Variants in PLCL1 observed in about 807,000 individuals in gnomAD.
PLCL1 encodes the protein phospholipase C like 1 (inactive), also known as inactive phospholipase C-like protein 1.
In PLCL1, 41 loss-of-function variants were observed where a neutral mutation model predicts 84.4. That is an observed-to-expected ratio of 0.49 (90% CI 0.38 to 0.63). PLCL1 has a LOEUF of 0.63. PLCL1 is among the 30% of genes least tolerant of loss of function. The pLI is 0.00. For synonymous variants in PLCL1, 490 were observed against 488.3 expected (o/e 1.00, Z -0.05); for missense variants, 1,206 against 1,367.8 (o/e 0.88, Z 1.87).
At chr2:198,082,705 T>C (rs1047546091) in intron 1 of PLCL1, among the ~76,000 whole-genome samples, 2 of 152,052 alleles carry the variant, frequency 1.3e-5, no homozygotes, top group Non-Finnish European at 2.9e-5. Context: ...GAATTGGGAA[T>C]GATAGACACA....
At chr2:197,900,295 T>G (rs894092403) in intron 1 of PLCL1, among the ~76,000 whole-genome samples, 1 of 152,214 alleles carries the variant, frequency 6.6e-6, no homozygotes, top group African/African-American at 2.4e-5. Context: ...TTTTAGAATC[T>G]ATTAAGTAGG....
intron 1 of PLCL1, among the ~76,000 whole-genome samples, chr2:197,918,968 C>CA (rs200632735): frequency 7.3e-4 from 106 of 144,656 alleles, no homozygotes; most frequent in Middle Eastern, 3.4e-3. Context: ...CTCTCTCTCT[C>CA]CCTCACACAC....
chr2:197,866,121 T>TATAGTTAATTTAAAAAAAAAGAA (rs1687531897), intron 1 of PLCL1, among the ~76,000 whole-genome samples: 1 of 37,226 alleles, frequency 2.7e-5, no homozygotes. Context: ...TATATATATA[T>TATAGTTAATTTAAAAAAAAAGAA]AAACTATATA....
intron 1 of PLCL1, among the ~76,000 whole-genome samples, chr2:197,884,098 A>G (rs1234056009): frequency 6.6e-6 from 1 of 152,200 alleles, no homozygotes; most frequent in African/African-American, 2.4e-5. Flanking sequence ...ATATCAATCT[A>G]TCTTTGTGTC....
intron 1 of PLCL1, among the ~76,000 whole-genome samples, chr2:197,988,869 A>G (rs1016125765): frequency 2.6e-5 from 4 of 152,170 alleles, no homozygotes; most frequent in African/African-American, 7.2e-5. Context: ...CTTTCACCAT[A>G]TTGACACCAA....
chr2:197,829,844 G>C (rs1250917255), intron 1 of PLCL1, among the ~76,000 whole-genome samples: 1 of 152,166 alleles, frequency 6.6e-6, no homozygotes, highest in Non-Finnish European at 1.5e-5. Flanking sequence ...TTTTTCCCAT[G>C]AGTGACAGTG....
At chr2:197,888,196 G>A (rs1454137716) in intron 1 of PLCL1, among the ~76,000 whole-genome samples, 2 of 151,984 alleles carry the variant, frequency 1.3e-5, no homozygotes, top group East Asian at 1.9e-4. Context: ...TTTTTTGTGT[G>A]TAAACTCTCT....
At chr2:197,851,276 A>G (rs1687231056) in intron 1 of PLCL1, among the ~76,000 whole-genome samples, 1 of 152,202 alleles carries the variant, frequency 6.6e-6, no homozygotes, top group Non-Finnish European at 1.5e-5. Flanking sequence ...TGAAGATAGG[A>G]TTTCCGGAAA....
At chr2:197,883,058 G>T (rs946495835) in intron 1 of PLCL1, among the ~76,000 whole-genome samples, 1 of 152,106 alleles carries the variant, frequency 6.6e-6, no homozygotes, top group Non-Finnish European at 1.5e-5. Context: ...AGGTGATGAC[G>T]GGACAGAGCT....
intron 1 of PLCL1, among the ~76,000 whole-genome samples, chr2:197,997,640 G>C (rs1690498877): frequency 6.6e-6 from 1 of 152,292 alleles, no homozygotes; most frequent in South Asian, 2.1e-4. Flanking sequence ...CTGTGTGAAG[G>C]AGCTACCTAG....
chr2:198,005,786 C>T (rs867738098), intron 1 of PLCL1, among the ~76,000 whole-genome samples: 6 of 152,058 alleles, frequency 3.9e-5, no homozygotes, highest in Non-Finnish European at 7.4e-5. Context: ...GCAGGGAGGC[C>T]GTGGACAGCC....
At chr2:198,111,309 A>G (rs747413156) in intron 5 of PLCL1, among the ~76,000 whole-genome samples, 1 of 151,852 alleles carries the variant, frequency 6.6e-6, no homozygotes, top group Non-Finnish European at 1.5e-5. Flanking sequence ...GGATGCAAAA[A>G]TGGTCTTTAA....
chr2:197,821,324 G>A (rs1377345851), intron 1 of PLCL1, among the ~76,000 whole-genome samples: 2 of 152,144 alleles, frequency 1.3e-5, no homozygotes, highest in African/African-American at 4.8e-5. Context: ...CTGAGCTTTT[G>A]AAGTGAAGAG....
At chr2:197,811,975 C>T (rs1369572713) in intron 1 of PLCL1, among the ~76,000 whole-genome samples, 1 of 152,158 alleles carries the variant, frequency 6.6e-6, no homozygotes, top group East Asian at 1.9e-4. Context: ...CAACCTTCCC[C>T]TTCGAGTAGT....
At chr2:198,095,739 C>G (rs1574309031) in intron 3 of PLCL1, among the ~76,000 whole-genome samples, 1 of 152,180 alleles carries the variant, frequency 6.6e-6, no homozygotes, top group Admixed American at 6.5e-5. Flanking sequence ...AGGGCACTAT[C>G]AAAACTAGTT....
rs565751665 is a variant in PLCL1 at position 197,814,896 on chromosome 2, T to C, written c.240+9557T>C. Among the ~76,000 whole-genome samples the C allele has an allele frequency of 6.6e-4, 100 of 152,294 alleles. 1 individual carries two copies. The highest frequency in any genetic ancestry group is 2.4e-3 in the African/African-American group (98 of 41,570). ...TAACTCTCTTCAATTCTGTGAAGGC[T>C]GATAGGGGCGAGGAAGCTGTGGAAG... On this transcript the variant is annotated intron_variant, in intron 1 of 5. Coordinates refer to ENST00000428675, the MANE Select transcript of PLCL1 (RefSeq NM_006226.4).
At chr2:197,852,393 T>C (rs556278534) in intron 1 of PLCL1, among the ~76,000 whole-genome samples, 2 of 152,322 alleles carry the variant, frequency 1.3e-5, no homozygotes, top group South Asian at 2.1e-4. Flanking sequence ...ATGACTGTTA[T>C]CTGTTTGCTA....
chr2:197,886,749 T>C (rs1028826958), intron 1 of PLCL1, among the ~76,000 whole-genome samples: 6 of 152,158 alleles, frequency 3.9e-5, no homozygotes, highest in Non-Finnish European at 5.9e-5. Context: ...TCTTAGCTCT[T>C]GGGTGGATAT....
chr2:198,004,200 C>T (rs1208539068), intron 1 of PLCL1, among the ~76,000 whole-genome samples: 2 of 151,938 alleles, frequency 1.3e-5, no homozygotes, highest in African/African-American at 4.8e-5. Flanking sequence ...TGCTCAGTAG[C>T]TAGCCTTTTG....
Sources: gnomAD v4.1 joint callset for allele counts (sites outside exome capture counted in the v4.1 genomes callset) on GRCh38, gnomAD v4.1.1 for gene constraint, MANE v1.5 for transcripts, NCBI Gene and HGNC (gene_info 2026-07-23, HGNC 2026-07-21) for gene names.